Variants in LLGL1 observed in about 807,000 individuals in gnomAD.
The protein encoded by LLGL1 is LLGL scribble cell polarity complex component 1.
Under a neutral mutation model 110.6 loss-of-function variants are expected in LLGL1, and 58 were observed. That is an observed-to-expected ratio of 0.52 (90% confidence interval 0.42 to 0.65). LLGL1 has a LOEUF of 0.65. Among genes scored for constraint, LLGL1 ranks in the 30% least tolerant of loss-of-function variants. LLGL1 has a pLI of 0.00. For missense variants in LLGL1, 1,229 were observed against 1,462.1 expected, an observed-to-expected ratio of 0.84 and a Z score of 2.60; for synonymous variants, 674 against 607.2, an observed-to-expected ratio of 1.11 and a Z score of -1.62.
intron 2 of LLGL1, 102 bp from the exon 3 acceptor site, chr17:18,232,392 CG>C: frequency 9.6e-7 from 1 of 1,042,866 alleles, no homozygotes; most frequent in Non-Finnish European, 1.4e-6. Flanking sequence ...AGGCCCATGC[CG>C]GGGCCCACTG....
rs113004407 is a variant in LLGL1 at position 18,235,914 on chromosome 17, C to T, written c.1352+377C>T. The T allele has an allele frequency of 1.8e-3, 460 of 254,450 alleles. 1 individual carries two copies. The highest frequency in any genetic ancestry group is 1.0e-2 in the African/African-American group (439 of 44,056). The allele number at this position is 254,450 out of a possible 1,614,324, so 15.8% of individuals were successfully genotyped here. On this transcript the variant is annotated intron_variant, in intron 11 of 22. Coordinates refer to ENST00000316843, the MANE Select transcript of LLGL1 (RefSeq NM_004140.4). ...TCAGGTCTCAACTTCCTGCCCTGCCCCCACTCCCGCCTGTGCTGGGACCCT... is the reference window on the plus strand; with the variant it reads ...TCAGGTCTCAACTTCCTGCCCTGCCTCCACTCCCGCCTGTGCTGGGACCCT...
rs573671584 is a variant in LLGL1 at position 18,244,533 on chromosome 17, A to T, written c.*627A>T. The T allele has an allele frequency of 3.9e-5, 6 of 152,098 alleles. No homozygotes were observed. Among genetic ancestry groups the T allele is most frequent in the African/African-American group, 7.3e-5 (3 of 41,376 alleles). 9.4% of individuals were successfully genotyped at this position (152,098 alleles called of 1,614,324 possible). ...GCTGGGATTACAGGCGTGAGCCACCATGCCCAGCCCTGCAAAGAGTATTTT... is the reference window on the plus strand; with the variant it reads ...GCTGGGATTACAGGCGTGAGCCACCTTGCCCAGCCCTGCAAAGAGTATTTT... On this transcript the variant is annotated 3_prime_UTR_variant, in exon 23 of 23. Coordinates refer to ENST00000316843, the MANE Select transcript of LLGL1 (RefSeq NM_004140.4).
In LLGL1 at chr17:18,236,642, C is replaced by T. The variant is rs1338497657; in HGVS notation, c.1388C>T (p.Ser463Leu). 8 of 1,612,840 alleles carry T rather than the reference C, an allele frequency of 5.0e-6. No individual in the cohort carries two copies. The highest frequency in any genetic ancestry group is 2.5e-6 in the Non-Finnish European group (3 of 1,179,864). The change falls in exon 12 of 23, where the codon TCG (serine) becomes TTG (leucine). Residue 463 changes from serine (S) to leucine (L), a missense_variant. Transcript: ENST00000316843. ...GGCACCGTGAGGTTCTGGGATGCCT[C>T]GGGTGTGGCGCTGCGGCCGCTCTAT... ...EDGTVRFWDA[S>L]GVALRPLYKL...
At chr17:18,226,152 T>C (rs551801746) in intron 1 of LLGL1, among the ~76,000 whole-genome samples, 6 of 152,242 alleles carry the variant, frequency 3.9e-5, no homozygotes, top group African/African-American at 1.4e-4. Flanking sequence ...TGTCTCTGCC[T>C]CTGCCCCTTC....
intron 2 of LLGL1, 86 bp from the exon 3 acceptor site, chr17:18,232,408 AG>A (rs1324655377): frequency 1.7e-6 from 2 of 1,202,200 alleles, no homozygotes; most frequent in African/African-American, 3.0e-5. Context: ...CCACTGGAAT[AG>A]TCCGGGTCAA....
In LLGL1 at chr17:18,237,706, G is replaced by A. The variant is rs776468893; in HGVS notation, c.1837G>A (p.Val613Met). 3.0e-5 allele frequency: 49 copies of A among 1,612,882 alleles called. No homozygotes were observed. Among genetic ancestry groups the A allele is most frequent in the Admixed American group, 2.3e-4 (14 of 60,002 alleles). ...AVTLHTEWSL[V>M]AFGTSHGFGL... ...CACACTCCACACCGAGTGGAGCCTCGTGGCTTTTGGCACCAGTCATGGCTT... is the reference window on the plus strand; with the variant it reads ...CACACTCCACACCGAGTGGAGCCTCATGGCTTTTGGCACCAGTCATGGCTT... The change falls in exon 14 of 23, where the codon GTG becomes ATG. Residue 613 changes from valine to methionine, a missense_variant. Val to Met is a conservative substitution (Grantham distance 21, BLOSUM62 1). Transcript: ENST00000316843.
chr17:18,242,933 GT>G, intron 22 of LLGL1, 111 bp downstream of exon 22: 1 of 1,022,648 alleles, frequency 9.8e-7, no homozygotes, highest in East Asian at 2.6e-5. Context: ...GCAGGCCCAT[GT>G]GATGGCACTC....
chr17:18,233,310 C>T (rs2047611031), intron 4 of LLGL1, among the ~76,000 whole-genome samples: 1 of 152,174 alleles, frequency 6.6e-6, no homozygotes, highest in Non-Finnish European at 1.5e-5. Context: ...GGGCATCTCT[C>T]TCCCCAGCCC....
In LLGL1 at chr17:18,237,547, C is replaced by T. The variant is rs1214972176; in HGVS notation, c.1678C>T (p.Leu560Phe). ...QAVSVAIIDL[L>F]QDREGFTWKG... Reference sequence around the variant, plus strand: ...GGTCAGCGTGGCCATCATAGACCTCCTCCAGGACCGCGAGGGCTTCACATG... The same window carrying T: ...GGTCAGCGTGGCCATCATAGACCTCTTCCAGGACCGCGAGGGCTTCACATG... Residue 560 changes from leucine to phenylalanine, a missense_variant, in exon 14 of 23, where the codon CTC becomes TTC. Leu to Phe is a conservative substitution (Grantham distance 22, BLOSUM62 0). Coordinates refer to ENST00000316843, the MANE Select transcript of LLGL1 (RefSeq NM_004140.4). 1.9e-6 allele frequency: 3 copies of T among 1,608,976 alleles called. No homozygotes were observed. The highest frequency in any genetic ancestry group is 1.1e-5 in the South Asian group (1 of 90,872).
chr17:18,240,763 G>A lies in LLGL1; in HGVS notation c.2392G>A (p.Gly798Arg), dbSNP rs754941025. ...APVVAIAVLD[G>R]RGRPLPEPYE... ...TGTGGTGGCCATTGCCGTGTTGGACGGGCGTGGCCGCCCACTGCCCGAGCC... is the reference window on the plus strand; with the variant it reads ...TGTGGTGGCCATTGCCGTGTTGGACAGGCGTGGCCGCCCACTGCCCGAGCC... The change falls in exon 17 of 23, where the codon GGG becomes AGG. Residue 798 changes from glycine (G) to arginine (R), a missense_variant. Transcript: ENST00000316843. This position sits in a 1 kb window ranked among gnomAD's most constrained non-coding sequence, Gnocchi z 5.3. The A allele has an allele frequency of 5.6e-6, 9 of 1,608,240 alleles. No homozygotes were observed. The highest frequency in any genetic ancestry group is 2.2e-5 in the East Asian group (1 of 44,570).
In LLGL1 at chr17:18,235,555, T is replaced by C; in HGVS notation, c.1352+18T>C. 1 of 1,610,012 alleles carries C rather than the reference T, an allele frequency of 6.2e-7. No homozygotes were observed. ...CTGACGGGGTAGGTGTGCGTGCTTA[T>C]GTGGGTGAGTGGGCCCCTTGCTGTT... On this transcript the variant is annotated intron_variant, in intron 11 of 22. Transcript: ENST00000316843.
In LLGL1 at chr17:18,236,842, G is replaced by A; in HGVS notation, c.1514G>A (p.Cys505Tyr). 1 of 1,613,736 alleles carries A rather than the reference G, an allele frequency of 6.2e-7. No individual in the cohort carries two copies. The highest frequency in any genetic ancestry group is 8.5e-7 in the Non-Finnish European group (1 of 1,179,958). Residue 505 changes from cysteine to tyrosine, a missense_variant, in exon 13 of 23, where the codon TGC becomes TAC. Transcript: ENST00000316843. ...DDWPPFRKVG[C>Y]FDPYSDDPRL... ...TCCTTCCCATCCCTCTAGGTGGGCTGCTTCGATCCCTACAGTGACGATCCC... is the reference window on the plus strand; with the variant it reads ...TCCTTCCCATCCCTCTAGGTGGGCTACTTCGATCCCTACAGTGACGATCCC...
chr17:18,233,277 T>C (rs1268146420), intron 4 of LLGL1, among the ~76,000 whole-genome samples: 2 of 152,124 alleles, frequency 1.3e-5, no homozygotes, highest in Non-Finnish European at 2.9e-5. Context: ...GCTGGCAGCA[T>C]GCCCCAGCTG....
rs368191572 is a variant in LLGL1 at position 18,225,902 on chromosome 17, G to T, written c.81+139G>T. On this transcript the variant is annotated intron_variant, in intron 1 of 22. Coordinates refer to ENST00000316843, the MANE Select transcript of LLGL1 (RefSeq NM_004140.4). ...CGCGGCGCGGGGCGGGGCCGGGCCG[G>T]GCCGCGCACCCCCTCGGCGGGCCCC... 3.3e-5 allele frequency: 7 copies of T among 209,530 alleles called. No homozygotes were observed. The East Asian group carries it at 7.5e-4, about 22-fold the overall frequency. 13.0% of individuals were successfully genotyped at this position (209,530 alleles called of 1,614,324 possible). A position where few individuals can be genotyped will look rare whatever the true frequency, so the allele number is the denominator to read the frequency against.
rs1426071965 is a variant in LLGL1, at chr17:18,244,839, T to C, written c.*933T>C. 2 of 397,312 alleles carry C rather than the reference T, an allele frequency of 5.0e-6. No homozygotes were observed. Among genetic ancestry groups the C allele is most frequent in the African/African-American group, 4.1e-5 (2 of 48,572 alleles). 24.6% of individuals were successfully genotyped at this position (397,312 alleles called of 1,614,324 possible). A position where few individuals can be genotyped will look rare whatever the true frequency, so the allele number is the denominator to read the frequency against. ...ATTTTAATATTAAAAATACTGATTT[T>C]TAATATTGAAAATAAAAGCATTTAA... On this transcript the variant is annotated 3_prime_UTR_variant, in exon 23 of 23. Coordinates refer to ENST00000316843, the MANE Select transcript of LLGL1 (RefSeq NM_004140.4).
At chr17:18,237,120 C>G (rs553822307) in intron 13 of LLGL1, 181 bp downstream of exon 13, 1 of 618,916 alleles carries the variant, frequency 1.6e-6, no homozygotes, top group South Asian at 1.9e-5. Context: ...GCTGGGGGAA[C>G]CACAGTGTTG....
intron 13 of LLGL1, 124 bp from the exon 14 acceptor site, chr17:18,237,357 A>G: frequency 1.1e-6 from 1 of 924,234 alleles, no homozygotes; most frequent in Non-Finnish European, 1.6e-6. Context: ...TAGCTGATGA[A>G]CTGAAGACAG....
At chr17:18,232,369 C>G (rs2047588616) in intron 2 of LLGL1, 126 bp from the exon 3 acceptor site, 1 of 777,292 alleles carries the variant, frequency 1.3e-6, no homozygotes, top group African/African-American at 1.7e-5. Context: ...TCAGGGAGGA[C>G]TCCTGGATGG....
At chr17:18,236,486 A>T in intron 11 of LLGL1, 121 bp from the exon 12 acceptor site, 2 of 950,636 alleles carry the variant, frequency 2.1e-6, no homozygotes, top group South Asian at 1.6e-5. Context: ...TAAAAGTAGG[A>T]TTCCGGTCAG....
Sources: allele counts gnomAD v4.1 joint callset (sites outside exome capture counted in the v4.1 genomes callset), GRCh38; gene constraint gnomAD v4.1.1; non-coding constraint Gnocchi (gnomAD v3.1); transcripts MANE v1.5; gene names NCBI Gene and HGNC (gene_info 2026-07-23, HGNC 2026-07-21).